BPNT2: variants seen among roughly 807,000 people sequenced by gnomAD.
The protein encoded by BPNT2 is Golgi-resident adenosine 3',5'-bisphosphate 3'-phosphatase.
Under a neutral mutation model 29.3 loss-of-function variants are expected in BPNT2, and 11 were observed. The ratio of observed to expected loss-of-function variants is 0.38; its 90% confidence interval spans 0.24 to 0.62. BPNT2 has a LOEUF of 0.62. Among genes scored for constraint, BPNT2 ranks in the 20% least tolerant of loss-of-function variants. BPNT2 has a pLI of 0.62. For synonymous variants in BPNT2, 195 were observed against 187.7 expected, an observed-to-expected ratio of 1.04 and a Z score of -0.32; for missense variants, 459 against 473.4, an observed-to-expected ratio of 0.97 and a Z score of 0.28.
chr8:56,993,464 A>G lies in BPNT2; in HGVS notation c.122T>C (p.Leu41Pro). The part of the protein sequence containing the change: ...FLAGRFSLFG[L>P]GGEPGGGAAG... ...CGCGCCGCCGCCAGGCTCGCCGCCCAGGCCGAAGAGGCTGAAGCGGCCGGC... is the reference window on the plus strand; with the variant it reads ...CGCGCCGCCGCCAGGCTCGCCGCCCGGGCCGAAGAGGCTGAAGCGGCCGGC... Residue 41 changes from leucine (L) to proline (P), a missense_variant, in exon 1 of 5, where the codon CTG becomes CCG. Leu to Pro is a moderately conservative substitution (Grantham distance 98). Transcript: ENST00000262644. 1 of 1,488,096 alleles carries G rather than the reference A, an allele frequency of 6.7e-7. No individual in the cohort carries two copies. Among genetic ancestry groups the G allele is most frequent in the Non-Finnish European group, 8.9e-7 (1 of 1,120,130 alleles). The allele number at this position is 1,488,096 out of a possible 1,614,324, so 92.2% of individuals were successfully genotyped here. A position where few individuals can be genotyped will look rare whatever the true frequency, so the allele number is the denominator to read the frequency against.
chr8:56,980,296 A>G lies in BPNT2; in HGVS notation c.388-99T>C, dbSNP rs1044547878. ...CAGACAACAATCACCCAAATTATAAATAAGTAAATCCCTATTTTTATTTCT... is the reference window on the plus strand; with the variant it reads ...CAGACAACAATCACCCAAATTATAAGTAAGTAAATCCCTATTTTTATTTCT... On this transcript the variant is annotated intron_variant, in intron 1 of 4. Transcript: ENST00000262644. The G allele has an allele frequency of 3.4e-5, 31 of 913,638 alleles. No homozygotes were observed. The Admixed American group carries it at 5.5e-4, about 16-fold the overall frequency. 56.6% of individuals were successfully genotyped at this position (913,638 alleles called of 1,614,324 possible).
chr8:56,967,272 A>T, intron 3 of BPNT2: 1 of 456,234 alleles, frequency 2.2e-6, no homozygotes, highest in Non-Finnish European at 4.4e-6. Flanking sequence ...TGAGTTCCCC[A>T]AGAATGATGG....
At chr8:56,964,939 TAACA>T (rs1229814068) in intron 4 of BPNT2, among the ~76,000 whole-genome samples, 1 of 152,124 alleles carries the variant, frequency 6.6e-6, no homozygotes, top group Non-Finnish European at 1.5e-5. Flanking sequence ...CTAACCAACC[TAACA>T]GAGAGCCTCT....
At chr8:56,992,139 T>C (rs1364330237) in intron 1 of BPNT2, among the ~76,000 whole-genome samples, 1 of 152,094 alleles carries the variant, frequency 6.6e-6, no homozygotes, top group African/African-American at 2.4e-5. Flanking sequence ...TTATGCAAAA[T>C]ACATAACTAA....
At chr8:56,974,367 T>A (rs1265232643) in intron 3 of BPNT2, among the ~76,000 whole-genome samples, 1 of 147,714 alleles carries the variant, frequency 6.8e-6, no homozygotes. Context: ...TATTCAAGTA[T>A]CTCTTGATTC....
chr8:56,981,494 G>A (rs1416690365), intron 1 of BPNT2, among the ~76,000 whole-genome samples: 1 of 152,114 alleles, frequency 6.6e-6, no homozygotes, highest in Non-Finnish European at 1.5e-5. Flanking sequence ...GAACCCTGGA[G>A]GTGGAGGTTG....
In BPNT2 at chr8:56,993,560, G is replaced by A; in HGVS notation, c.26C>T (p.Ser9Phe). The change falls in exon 1 of 5, where the codon TCC becomes TTC. Residue 9 changes from serine (S) to phenylalanine (F), a missense_variant. Coordinates refer to ENST00000262644, the MANE Select transcript of BPNT2 (RefSeq NM_017813.5). ...GCAAAACACTGCCACCCCCAGTGGG[G>A]AAAGGCGGATGCCCATGGGGGCCAT... Reference protein sequence around the residue: MAPMGIRLSPLGVAVFCLL... With the variant: MAPMGIRLFPLGVAVFCLL... The A allele has an allele frequency of 2.7e-6, 4 of 1,478,538 alleles. No homozygotes were observed. The highest frequency in any genetic ancestry group is 2.7e-6 in the Non-Finnish European group (3 of 1,113,684). 91.6% of individuals were successfully genotyped at this position (1,478,538 alleles called of 1,614,324 possible).
chr8:56,960,419 GAC>G lies in BPNT2; in HGVS notation c.*3372_*3373del, dbSNP rs1381229692. ...TCCTAGCCACCACCCCTCTCCCTCT[GAC>G]ACAGTTCACAAAATATTCAAAGGGA... On this transcript the variant is annotated 3_prime_UTR_variant, in exon 5 of 5. Coordinates refer to ENST00000262644, the MANE Select transcript of BPNT2 (RefSeq NM_017813.5). 7 of 152,084 alleles carry G rather than the reference GAC, an allele frequency of 4.6e-5. No individual in the cohort carries two copies. Among genetic ancestry groups the G allele is most frequent in the African/African-American group, 1.4e-4 (6 of 41,406 alleles). The allele number at this position is 152,084 out of a possible 1,614,324, so 9.4% of individuals were successfully genotyped here.
intron 3 of BPNT2, among the ~76,000 whole-genome samples, chr8:56,971,279 A>G (rs1244672211): frequency 6.6e-6 from 1 of 151,768 alleles, no homozygotes; most frequent in Non-Finnish European, 1.5e-5. Flanking sequence ...TAAAAAAAAA[A>G]AAAAAAAAGC....
At chr8:56,988,983 C>T (rs894553873) in intron 1 of BPNT2, among the ~76,000 whole-genome samples, 1 of 152,114 alleles carries the variant, frequency 6.6e-6, no homozygotes, top group African/African-American at 2.4e-5. Context: ...TGAAAAAGGG[C>T]CTCCTAACTG....
At position 56,993,799 on chromosome 8, in the gene BPNT2, G is replaced by T; in HGVS notation, c.-214C>A. 1.8e-6 allele frequency: 1 copy of T among 541,976 alleles called. No individual in the cohort carries two copies. The highest frequency in any genetic ancestry group is 2.4e-6 in the Non-Finnish European group (1 of 422,390). The allele number at this position is 541,976 out of a possible 1,614,324, so 33.6% of individuals were successfully genotyped here. A position where few individuals can be genotyped will look rare whatever the true frequency, so the allele number is the denominator to read the frequency against. On this transcript the variant is annotated 5_prime_UTR_variant, in exon 1 of 5. The change creates a new upstream start codon in the 5' untranslated region. Coordinates refer to ENST00000262644, the MANE Select transcript of BPNT2 (RefSeq NM_017813.5). ...GCCGCCCCGCGCGCCTGACTCGCCAGGCAGCGCGCTCTAGGTTCTTCCGCC... is the reference window on the plus strand; with the variant it reads ...GCCGCCCCGCGCGCCTGACTCGCCATGCAGCGCGCTCTAGGTTCTTCCGCC...
At chr8:56,980,310 A>G in intron 1 of BPNT2, 113 bp from the exon 2 acceptor site, 3 of 839,726 alleles carry the variant, frequency 3.6e-6, no homozygotes, top group Non-Finnish European at 5.8e-6. Context: ...GTAAATCCCT[A>G]TTTTTATTTC....
chr8:56,986,579 C>A lies in BPNT2; in HGVS notation c.388-6382G>T, dbSNP rs189771887. Among the ~76,000 whole-genome samples, 839 of 152,286 alleles carry A rather than the reference C, an allele frequency of 5.5e-3. 5 individuals are homozygous for A. Among genetic ancestry groups the A allele is most frequent in the African/African-American group, 0.019 (770 of 41,562 alleles). The stretch of plus-strand genomic sequence containing the variant: ...GATAAACCCATTGTGAATTGAGAAG[C>A]ATTTGTACTGCATAAGTTGAAAATA... On this transcript the variant is annotated intron_variant, in intron 1 of 4. Coordinates refer to ENST00000262644, the MANE Select transcript of BPNT2 (RefSeq NM_017813.5).
Position 56,963,690 on chromosome 8 carries a change from G to A in BPNT2, c.*103C>T. On this transcript the variant is annotated 3_prime_UTR_variant, in exon 5 of 5. Coordinates refer to ENST00000262644, the MANE Select transcript of BPNT2 (RefSeq NM_017813.5). ...TTCATAAATACTTTAAAAAGTTCGGGATGGCCTTAACCATGCATAGTCTCC... is the reference window on the plus strand; with the variant it reads ...TTCATAAATACTTTAAAAAGTTCGGAATGGCCTTAACCATGCATAGTCTCC... 1.5e-6 allele frequency: 2 copies of A among 1,323,786 alleles called. No individual in the cohort carries two copies. The highest frequency in any genetic ancestry group is 2.4e-5 in the South Asian group (2 of 82,694). The allele number at this position is 1,323,786 out of a possible 1,614,324, so 82.0% of individuals were successfully genotyped here.
chr8:56,987,041 T>G (rs1332644030), intron 1 of BPNT2, among the ~76,000 whole-genome samples: 2 of 152,150 alleles, frequency 1.3e-5, no homozygotes, highest in African/African-American at 2.4e-5. Context: ...TCTTTTAAAT[T>G]CCAGAAAGGG....
chr8:56,979,935 A>G (rs1483793464), intron 2 of BPNT2, 100 bp downstream of exon 2: 7 of 1,104,364 alleles, frequency 6.3e-6, no homozygotes, highest in Non-Finnish European at 9.6e-6. Flanking sequence ...TCTTTACTGA[A>G]CAATCAGTGA....
At chr8:56,980,753 G>C (rs1395718562) in intron 1 of BPNT2, among the ~76,000 whole-genome samples, 1 of 149,450 alleles carries the variant, frequency 6.7e-6, no homozygotes, top group Non-Finnish European at 1.5e-5. Flanking sequence ...TACGAGAATA[G>C]AGGAATATAT....
intron 1 of BPNT2, among the ~76,000 whole-genome samples, chr8:56,985,146 GTTAC>G (rs998498210): frequency 6.6e-5 from 10 of 151,778 alleles, no homozygotes; most frequent in African/African-American, 2.4e-4. Context: ...CAGAAACCAC[GTTAC>G]TTGTTTACAT....
Position 56,959,130 on chromosome 8 carries a change from T to A in BPNT2, c.*4663A>T, listed in dbSNP as rs984812019. The A allele has an allele frequency of 6.6e-6, 1 of 152,228 alleles. No homozygotes were observed. The highest frequency in any genetic ancestry group is 2.4e-5 in the African/African-American group (1 of 41,462). The allele number at this position is 152,228 out of a possible 1,614,324, so 9.4% of individuals were successfully genotyped here. A position where few individuals can be genotyped will look rare whatever the true frequency, so the allele number is the denominator to read the frequency against. On this transcript the variant is annotated 3_prime_UTR_variant, in exon 5 of 5. Coordinates refer to ENST00000262644, the MANE Select transcript of BPNT2 (RefSeq NM_017813.5). Reference sequence around the variant, plus strand: ...TTCAATTTCCACAAATTGTTAATTATGATACTTAAGGGAACCCTTACAATA... The same window carrying A: ...TTCAATTTCCACAAATTGTTAATTAAGATACTTAAGGGAACCCTTACAATA...
Sources: allele counts gnomAD v4.1 joint callset (sites outside exome capture counted in the v4.1 genomes callset), GRCh38; gene constraint gnomAD v4.1.1; transcripts MANE v1.5; gene names NCBI Gene and HGNC (gene_info 2026-07-23, HGNC 2026-07-21).